Variants in TBC1D22A observed in about 807,000 individuals in gnomAD.
TBC1D22A encodes TBC1 domain family member 22A.
Under a neutral mutation model 60.2 loss-of-function variants are expected in TBC1D22A, and 38 were observed. The observed-to-expected ratio is 0.63, with a 90% CI of 0.49 to 0.83. The LOEUF is 0.83. Ranked by LOEUF, TBC1D22A falls within the 40% of genes least tolerant of loss-of-function variation. The pLI is 0.00. For synonymous variants in TBC1D22A, 302 were observed against 281.7 expected (o/e 1.07, Z -0.72); for missense variants, 628 against 701.0 (o/e 0.90, Z 1.18).
At chr22:47,121,440 A>C (rs765360831) in intron 12 of TBC1D22A, among the ~76,000 whole-genome samples, 1 of 152,232 alleles carries the variant, frequency 6.6e-6, no homozygotes, top group African/African-American at 2.4e-5. Context: ...GTTATGGTAC[A>C]TGGCTGGTTA....
intron 8 of TBC1D22A, among the ~76,000 whole-genome samples, chr22:46,973,265 C>G (rs1484910352): frequency 6.6e-6 from 1 of 152,224 alleles, no homozygotes; most frequent in Non-Finnish European, 1.5e-5. Context: ...ACCCCCCTCC[C>G]CATGTGTACC....
At chr22:47,076,744 G>C (rs574403852) in intron 11 of TBC1D22A, among the ~76,000 whole-genome samples, 1 of 151,930 alleles carries the variant, frequency 6.6e-6, no homozygotes, top group South Asian at 2.1e-4. Context: ...TAACAGGTGG[G>C]GGAAAACAAA....
At chr22:46,880,206 T>A (rs1040719145) in intron 5 of TBC1D22A, among the ~76,000 whole-genome samples, 1 of 152,204 alleles carries the variant, frequency 6.6e-6, no homozygotes, top group Non-Finnish European at 1.5e-5. Context: ...TAGGGAGACA[T>A]GAGACATCCA....
intron 12 of TBC1D22A, among the ~76,000 whole-genome samples, chr22:47,154,580 GA>G (rs1261902807): frequency 6.6e-6 from 1 of 152,182 alleles, no homozygotes; most frequent in African/African-American, 2.4e-5. Context: ...AAGCCCTCAG[GA>G]AGCTGGGGGA....
intron 4 of TBC1D22A, among the ~76,000 whole-genome samples, chr22:46,857,795 G>T (rs891364790): frequency 6.6e-6 from 1 of 152,082 alleles, no homozygotes; most frequent in African/African-American, 2.4e-5. Context: ...GGCTCATCCG[G>T]GTTGGAGCAC....
At chr22:46,922,770 G>A (rs921098681) in intron 8 of TBC1D22A, among the ~76,000 whole-genome samples, 1 of 152,094 alleles carries the variant, frequency 6.6e-6, no homozygotes, top group African/African-American at 2.4e-5. Flanking sequence ...ACTGCTTTTT[G>A]TACATTGATT....
chr22:47,149,191 C>T (rs78801418), intron 12 of TBC1D22A, among the ~76,000 whole-genome samples: 1,879 of 152,236 alleles, frequency 0.012, 15 homozygotes, highest in Non-Finnish European at 0.022. Flanking sequence ...AGGGCTGGAC[C>T]GCAGATGTGT....
rs1438525487 is a variant in TBC1D22A, at chr22:46,777,814, G to A, written c.63-14706G>A. ...CGAAAGTCATGCATCACTTAGCGAC[G>A]GGGACGCCTTCTGAGACATGTGTCC... On this transcript the variant is annotated intron_variant, in intron 1 of 12. Transcript: ENST00000337137. The surrounding 1 kb of genome is among the most constrained non-coding windows in gnomAD (Gnocchi z 4.5). Among the ~76,000 whole-genome samples the A allele has an allele frequency of 5.9e-5, 9 of 152,182 alleles. No homozygotes were observed. Among genetic ancestry groups the A allele is most frequent in the African/African-American group, 1.4e-4 (6 of 41,434 alleles).
intron 8 of TBC1D22A, chr22:46,913,312 T>C (rs771178633): frequency 1.5e-6 from 2 of 1,364,818 alleles, no homozygotes; most frequent in East Asian, 9.1e-5. Flanking sequence ...GCTCGCCTGT[T>C]GTTATTACAT....
chr22:47,146,034 C>T (rs1417380374), intron 12 of TBC1D22A, among the ~76,000 whole-genome samples: 3 of 144,558 alleles, frequency 2.1e-5, no homozygotes, highest in Non-Finnish European at 4.5e-5. Context: ...GAGGCCATGG[C>T]GCAGAGATGC....
At chr22:46,969,470 A>G (rs1285721512) in intron 8 of TBC1D22A, among the ~76,000 whole-genome samples, 3 of 152,128 alleles carry the variant, frequency 2.0e-5, no homozygotes, top group East Asian at 3.9e-4. Flanking sequence ...GTTTTCCTTA[A>G]TACTATAGCA....
intron 12 of TBC1D22A, among the ~76,000 whole-genome samples, chr22:47,113,074 G>T (rs1236707002): frequency 6.6e-6 from 1 of 152,236 alleles, no homozygotes; most frequent in African/African-American, 2.4e-5. Flanking sequence ...AGAGAGCAGT[G>T]CTGGCTGGGC....
chr22:46,878,320 A>AGGG (rs796765965), intron 4 of TBC1D22A, among the ~76,000 whole-genome samples: 1 of 8,360 alleles, frequency 1.2e-4, no homozygotes, highest in African/African-American at 3.3e-4. Context: ...AGGAGGTGGG[A>AGGG]GGGAGAGAGA....
intron 7 of TBC1D22A, among the ~76,000 whole-genome samples, chr22:46,903,389 C>G (rs1043493330): frequency 2.0e-5 from 3 of 152,234 alleles, no homozygotes; most frequent in African/African-American, 7.2e-5. Context: ...CCTCCCCGCC[C>G]TGATGGCTGC....
chr22:46,879,121 T>C (rs1039040125), intron 5 of TBC1D22A, among the ~76,000 whole-genome samples: 1 of 151,784 alleles, frequency 6.6e-6, no homozygotes, highest in Non-Finnish European at 1.5e-5. Context: ...ACCAAGTTTT[T>C]TTTTTTTTTT....
At chr22:46,907,403 G>A (rs182685032) in intron 7 of TBC1D22A, among the ~76,000 whole-genome samples, 2 of 152,174 alleles carry the variant, frequency 1.3e-5, no homozygotes, top group South Asian at 4.1e-4. Context: ...CTGCAGCATT[G>A]CCTGGTAGAG....
intron 1 of TBC1D22A, among the ~76,000 whole-genome samples, chr22:46,767,672 G>C (rs995660238): frequency 2.6e-5 from 4 of 152,170 alleles, no homozygotes; most frequent in African/African-American, 9.7e-5. Context: ...CTTAGTGGCA[G>C]GTGTGGTGGT....
chr22:47,078,832 C>T (rs1289543282), intron 11 of TBC1D22A, among the ~76,000 whole-genome samples: 1 of 152,180 alleles, frequency 6.6e-6, no homozygotes, highest in Non-Finnish European at 1.5e-5. Flanking sequence ...GGTAGGAATG[C>T]TCCCACGGAG....
At chr22:46,833,569 A>C (rs1371661115) in intron 4 of TBC1D22A, among the ~76,000 whole-genome samples, 1 of 152,222 alleles carries the variant, frequency 6.6e-6, no homozygotes, top group Non-Finnish European at 1.5e-5. Flanking sequence ...CGTGGGGGTG[A>C]TAAGACTCAA....
Sources: allele counts gnomAD v4.1 joint callset (sites outside exome capture counted in the v4.1 genomes callset), GRCh38; gene constraint gnomAD v4.1.1; non-coding constraint Gnocchi (gnomAD v3.1); transcripts MANE v1.5; gene names NCBI Gene and HGNC (gene_info 2026-07-23, HGNC 2026-07-21).